Variants in GABRB1 observed in about 807,000 individuals in gnomAD.
GABRB1 encodes the protein gamma-aminobutyric acid type A receptor subunit beta1.
Under a neutral mutation model 51.6 loss-of-function variants are expected in GABRB1, and 17 were observed. That is an observed-to-expected ratio of 0.33 (90% confidence interval 0.23 to 0.49). GABRB1 has a LOEUF of 0.49. GABRB1 is among the 20% of genes least tolerant of loss of function. GABRB1 has a pLI of 0.99. For missense variants in GABRB1, 410 were observed against 600.6 expected (o/e 0.68, Z 3.32); for synonymous variants, 247 against 218.9 (o/e 1.13, Z -1.14).
chr4:47,150,310 TCACACACA>T (rs36066411), intron 3 of GABRB1, among the ~76,000 whole-genome samples: 2,193 of 138,350 alleles, frequency 0.016, 17 homozygotes, highest in Non-Finnish European at 0.021. Context: ...TGAGAATCCA[TCACACACA>T]CACACACACA....
intron 5 of GABRB1, among the ~76,000 whole-genome samples, chr4:47,325,678 A>G (rs945328699): frequency 2.5e-4 from 38 of 152,294 alleles, no homozygotes; most frequent in African/African-American, 8.4e-4. Flanking sequence ...TCTGGCTGAA[A>G]TGCTTTTCCC....
intron 5 of GABRB1, among the ~76,000 whole-genome samples, chr4:47,398,175 G>A (rs1456305434): frequency 1.3e-5 from 2 of 150,222 alleles, no homozygotes; most frequent in Admixed American, 1.3e-4. Context: ...TCTATTATAT[G>A]TTATAAGTTA....
intron 3 of GABRB1, among the ~76,000 whole-genome samples, chr4:47,047,708 G>A (rs73145090): frequency 0.11 from 16,979 of 152,144 alleles, 1,036 homozygotes; most frequent in South Asian, 0.2. Flanking sequence ...AAAGTAAGGA[G>A]CAGTTTGATT....
At chr4:47,177,404 G>T (rs2109764196) in intron 4 of GABRB1, among the ~76,000 whole-genome samples, 1 of 152,188 alleles carries the variant, frequency 6.6e-6, no homozygotes, top group African/African-American at 2.4e-5. Flanking sequence ...TCACCTGAAA[G>T]ATTTGAAAGT....
chr4:47,259,101 A>G (rs1328794836), intron 4 of GABRB1, among the ~76,000 whole-genome samples: 1 of 151,766 alleles, frequency 6.6e-6, no homozygotes, highest in East Asian at 1.9e-4. Flanking sequence ...TAGTCCCCAC[A>G]GCCAAATTGA....
chr4:47,080,045 T>C (rs1727759419), intron 3 of GABRB1, among the ~76,000 whole-genome samples: 1 of 151,962 alleles, frequency 6.6e-6, no homozygotes, highest in African/African-American at 2.4e-5. Flanking sequence ...CAAAGAGTGT[T>C]GTCAGAAAGA....
chr4:47,011,940 G>T (rs1174339662), intron 1 of GABRB1, among the ~76,000 whole-genome samples: 2 of 151,936 alleles, frequency 1.3e-5, no homozygotes, highest in Non-Finnish European at 2.9e-5. Context: ...AAACATCTAG[G>T]TACTCCACAC....
Position 47,425,888 on chromosome 4 carries a change from G to C in GABRB1, c.1295G>C (p.Arg432Pro). ...CCCAGCAAGGGGCGCATCCGCAGGC[G>C]TGCCTCCCAGCTCAAAGTCAAGATC... ...GVPSKGRIRR[R>P]ASQLKVKIPD... Residue 432 changes from arginine (R) to proline (P), a missense_variant, in exon 9 of 9, where the codon CGT becomes CCT. By Grantham distance (103) the Arg-to-Pro change is moderately radical (BLOSUM62 -2). Around this residue, in one of 5 missense-constraint regions of GABRB1, gnomAD observed 181 missense variants for 195.6 expected, o/e 0.93. Coordinates refer to ENST00000295454, the MANE Select transcript of GABRB1 (RefSeq NM_000812.4). The C allele has an allele frequency of 6.2e-7, 1 of 1,614,108 alleles. No homozygotes were observed. The highest frequency in any genetic ancestry group is 8.5e-7 in the Non-Finnish European group (1 of 1,179,958).
intron 3 of GABRB1, among the ~76,000 whole-genome samples, chr4:47,111,695 C>T (rs1715216659): frequency 6.6e-6 from 1 of 151,824 alleles, no homozygotes; most frequent in South Asian, 2.1e-4. Flanking sequence ...AAAACCTCAT[C>T]TCTACAATAA....
At chr4:47,262,374 G>A (rs1303804352) in intron 4 of GABRB1, among the ~76,000 whole-genome samples, 5 of 152,222 alleles carry the variant, frequency 3.3e-5, no homozygotes, top group Admixed American at 2.6e-4. Flanking sequence ...CCATCAAAAA[G>A]TGGGCAAAGG....
intron 4 of GABRB1, among the ~76,000 whole-genome samples, chr4:47,284,943 G>A (rs947814607): frequency 1.3e-5 from 2 of 152,202 alleles, no homozygotes; most frequent in African/African-American, 4.8e-5. Context: ...TAACACATTA[G>A]AGTGAACAAC....
intron 3 of GABRB1, among the ~76,000 whole-genome samples, chr4:47,056,576 C>A (rs1223837236): frequency 6.6e-6 from 1 of 152,058 alleles, no homozygotes; most frequent in African/African-American, 2.4e-5. Context: ...GAGAAATACA[C>A]ATACAAATGG....
intron 1 of GABRB1, among the ~76,000 whole-genome samples, chr4:47,018,568 C>T (rs562163982): frequency 2.6e-5 from 4 of 152,210 alleles, no homozygotes; most frequent in Non-Finnish European, 4.4e-5. Flanking sequence ...TTTGGCTACT[C>T]AAGAACGTTA....
intron 3 of GABRB1, among the ~76,000 whole-genome samples, chr4:47,124,623 A>T (rs1716029862): frequency 6.6e-6 from 1 of 152,214 alleles, no homozygotes; most frequent in African/African-American, 2.4e-5. Flanking sequence ...GAAATCAGGA[A>T]AATAATACAT....
intron 5 of GABRB1, among the ~76,000 whole-genome samples, chr4:47,359,115 CT>C (rs940885343): frequency 7.2e-5 from 11 of 152,240 alleles, no homozygotes; most frequent in African/African-American, 2.6e-4. Context: ...ATAAAATAAA[CT>C]GCATTATGGC....
intron 3 of GABRB1, among the ~76,000 whole-genome samples, chr4:47,108,616 C>A (rs1382212204): frequency 6.6e-6 from 1 of 151,974 alleles, no homozygotes; most frequent in Non-Finnish European, 1.5e-5. Context: ...TGCTCTTCAG[C>A]CATACTATCA....
At chr4:47,214,117 A>G (rs1720468631) in intron 4 of GABRB1, among the ~76,000 whole-genome samples, 1 of 152,174 alleles carries the variant, frequency 6.6e-6, no homozygotes, top group Non-Finnish European at 1.5e-5. Context: ...TGCATTAGTC[A>G]TAAAGAATAA....
At chr4:47,367,600 T>C (rs1727024703) in intron 5 of GABRB1, among the ~76,000 whole-genome samples, 1 of 152,226 alleles carries the variant, frequency 6.6e-6, no homozygotes, top group Non-Finnish European at 1.5e-5. Context: ...GTAAATGTTT[T>C]GCTTTCCCTA....
chr4:47,045,975 G>A (rs1726066529), intron 3 of GABRB1, among the ~76,000 whole-genome samples: 1 of 152,080 alleles, frequency 6.6e-6, no homozygotes, highest in Admixed American at 6.6e-5. Context: ...CCTATGTGTT[G>A]TGGGAGGGAG....
Sources: gnomAD v4.1 joint callset for allele counts (sites outside exome capture counted in the v4.1 genomes callset) on GRCh38, gnomAD v4.1.1 for gene constraint, gnomAD v4.1.1 regional missense constraint, MANE v1.5 for transcripts, NCBI Gene and HGNC (gene_info 2026-07-23, HGNC 2026-07-21) for gene names.